The following TMCO6 variants were observed in gnomAD, a reference collection of about 807,000 sequenced individuals.
TMCO6 encodes transmembrane and coiled-coil domain-containing protein 6.
A neutral mutation model predicts 61.8 loss-of-function variants in TMCO6; 47 were observed. The observed-to-expected ratio is 0.76, with a 90% CI of 0.60 to 0.97. TMCO6 has a LOEUF of 0.97. Among genes scored for constraint, TMCO6 ranks in the 50% least tolerant of loss-of-function variants. The probability of loss-of-function intolerance (pLI) is 0.00; values close to 1 mark genes in which losing one functional copy is unlikely to be tolerated. For missense variants in TMCO6, 557 were observed against 601.6 expected (o/e 0.93, Z 0.78); for synonymous variants, 261 against 254.2 (o/e 1.03, Z -0.25).
chr5:140,647,317 G>A (rs1437277419), downstream of TMCO6: 11 of 1,595,862 alleles, frequency 6.9e-6, no homozygotes, highest in Non-Finnish European at 9.4e-6. Context: ...TGGGTAGGTC[G>A]GGATTCGCCT....
downstream of TMCO6, among the ~76,000 whole-genome samples, chr5:140,646,001 TTC>T (rs1416758796): frequency 2.7e-5 from 4 of 146,468 alleles, no homozygotes; most frequent in South Asian, 2.2e-4. Context: ...TGGGAGCCCA[TTC>T]TCTCTCTTTT....
chr5:140,635,939 T>G (rs1293060839), upstream of TMCO6, among the ~76,000 whole-genome samples: 1 of 152,160 alleles, frequency 6.6e-6, no homozygotes, highest in Non-Finnish European at 1.5e-5. Context: ...AGAATATAGC[T>G]TTTGGCTGGG....
chr5:140,640,582 A>G (rs2149791034), intron 2 of TMCO6, among the ~76,000 whole-genome samples: 1 of 152,104 alleles, frequency 6.6e-6, no homozygotes, highest in South Asian at 2.1e-4. Flanking sequence ...TATTTTAAGT[A>G]GAGGCGGGGT....
chr5:140,605,621 A>C, the TMCO6 span, among the ~76,000 whole-genome samples: 1 of 151,346 alleles, frequency 6.6e-6, no homozygotes, highest in South Asian at 2.1e-4. Context: ...CAGAGGTTGC[A>C]GTGAGCTGAG....
the TMCO6 span, among the ~76,000 whole-genome samples, chr5:140,616,398 A>G: frequency 1.3e-5 from 2 of 152,094 alleles, no homozygotes; most frequent in Non-Finnish European, 2.9e-5. Flanking sequence ...ATCTCTACAA[A>G]AAAAATTTTA....
the TMCO6 span, among the ~76,000 whole-genome samples, chr5:140,626,685 C>T: frequency 6.6e-6 from 1 of 152,076 alleles, no homozygotes; most frequent in Non-Finnish European, 1.5e-5. Flanking sequence ...TGGCTTGCTG[C>T]ACCTCTGCCA....
At position 140,639,751 on chromosome 5, in the gene TMCO6, C is replaced by G; in HGVS notation, c.98C>G (p.Ala33Gly). 1 of 1,597,794 alleles carries G rather than the reference C, an allele frequency of 6.3e-7. No individual in the cohort carries two copies. ...CCTCTGCCCCCAGCACTGCGGAAGG[C>G]GCGGAGGGAGCAGCAGCTGGTCAGC... ...RREREAALRK[A>G]RREQQLVSKR... is the part of the protein sequence containing the mutation. Residue 33 changes from alanine (A) to glycine (G), a missense_variant, in exon 2 of 12, where the codon GCG becomes GGG. Ala to Gly is a moderately conservative substitution (Grantham distance 60, BLOSUM62 0). Coordinates refer to ENST00000394671, the MANE Select transcript of TMCO6 (RefSeq NM_018502.5).
downstream of TMCO6, chr5:140,647,369 G>A: frequency 6.2e-7 from 1 of 1,611,216 alleles, no homozygotes; most frequent in Non-Finnish European, 8.5e-7. Flanking sequence ...GTCCCTGCGG[G>A]GCCGGAGAGA....
chr5:140,597,814 G>A, the TMCO6 span, among the ~76,000 whole-genome samples: 1 of 152,164 alleles, frequency 6.6e-6, no homozygotes, highest in Non-Finnish European at 1.5e-5. Context: ...CTCAAATTTT[G>A]CCAGATGGGT....
the TMCO6 span, chr5:140,631,766 G>T: frequency 8.3e-7 from 1 of 1,207,134 alleles, no homozygotes; most frequent in Non-Finnish European, 1.2e-6. Flanking sequence ...TGGGGCAAAG[G>T]GTTGAATTGG....
At chr5:140,635,279 T>G (rs2149784937), upstream of TMCO6, among the ~76,000 whole-genome samples, 1 of 152,370 alleles carries the variant, frequency 6.6e-6, no homozygotes, top group African/African-American at 2.4e-5. Context: ...TATATCTGAC[T>G]CAAAGTCAGA....
chr5:140,624,731 T>C, the TMCO6 span, among the ~76,000 whole-genome samples: 12 of 151,986 alleles, frequency 7.9e-5, no homozygotes, highest in Non-Finnish European at 1.5e-4. Flanking sequence ...TTTTGCCATA[T>C]TGGCCAGGCT....
Position 140,641,868 on chromosome 5 carries a change from A to G in TMCO6, c.315-2A>G, listed in dbSNP as rs1757059290. Reference sequence around the variant, plus strand: ...GCAGGGCTCTGGTACTCACTCACATAGGCTGGAGGGCAGCATGCGGACCCT... The same window carrying G: ...GCAGGGCTCTGGTACTCACTCACATGGGCTGGAGGGCAGCATGCGGACCCT... On this transcript the variant is annotated splice_acceptor_variant, in intron 3 of 11. Coordinates refer to ENST00000394671, the MANE Select transcript of TMCO6 (RefSeq NM_018502.5). LOFTEE classifies it high-confidence loss of function. 1 of 1,612,604 alleles carries G rather than the reference A, an allele frequency of 6.2e-7. No individual in the cohort carries two copies. The highest frequency in any genetic ancestry group is 8.5e-7 in the Non-Finnish European group (1 of 1,178,804).
At position 140,642,920 on chromosome 5, in the gene TMCO6, A is replaced by G. The variant is rs188182503; in HGVS notation, c.690-5A>G. 20 of 1,614,180 alleles carry G rather than the reference A, an allele frequency of 1.2e-5. No individual in the cohort carries two copies. The Admixed American group carries it at 2.2e-4, about 17-fold the overall frequency. ...TCCTACTTACAGCCCTGCTTCTGCC[A>G]GCAGCTCCATCTTGGCCTCCACTCT... On this transcript the variant is annotated splice_region_variant and splice_polypyrimidine_tract_variant and intron_variant, in intron 6 of 11. Coordinates refer to ENST00000394671, the MANE Select transcript of TMCO6 (RefSeq NM_018502.5).
the TMCO6 span, among the ~76,000 whole-genome samples, chr5:140,624,289 T>C: frequency 6.6e-6 from 1 of 151,890 alleles, no homozygotes; most frequent in African/African-American, 2.4e-5. Context: ...CACTTGAACC[T>C]GGGAGGCGGA....
the TMCO6 span, among the ~76,000 whole-genome samples, chr5:140,625,552 A>G: frequency 6.6e-6 from 1 of 151,958 alleles, no homozygotes; most frequent in African/African-American, 2.4e-5. Flanking sequence ...GCAATCCTTC[A>G]CCCTTATGCC....
the TMCO6 span, among the ~76,000 whole-genome samples, chr5:140,601,037 C>A: frequency 6.6e-6 from 1 of 151,898 alleles, no homozygotes; most frequent in African/African-American, 2.4e-5. Context: ...ACATAATATT[C>A]ATTCTCTTAA....
chr5:140,644,631 G>A lies in TMCO6; in HGVS notation c.1259G>A (p.Trp420Ter). The A allele has an allele frequency of 1.2e-6, 2 of 1,614,240 alleles. No homozygotes were observed. The highest frequency in any genetic ancestry group is 1.7e-6 in the Non-Finnish European group (2 of 1,180,050). The change falls in exon 11 of 12, where the codon TGG becomes TAG. Residue 420 changes from tryptophan (W) to a stop codon, truncating the protein, a stop_gained. Transcript: ENST00000394671. LOFTEE classifies it high-confidence loss of function. ...GGTCCTGCTTACTGCCAGCGGCTGTGGCCAGGGCCCCTGCTTCCCGCCTTG... is the reference window on the plus strand; with the variant it reads ...GGTCCTGCTTACTGCCAGCGGCTGTAGCCAGGGCCCCTGCTTCCCGCCTTG... The part of the protein sequence containing the change: ...EKGPAYCQRL[W>*]PGPLLPALLH...
rs1351758929 is a variant in TMCO6 at position 140,643,047 on chromosome 5, A to G, written c.806+6A>G. On this transcript the variant is annotated splice_donor_region_variant and intron_variant, in intron 7 of 11. Coordinates refer to ENST00000394671, the MANE Select transcript of TMCO6 (RefSeq NM_018502.5). ...CTTCATTACATCATCTGCAGGTAAC[A>G]GGGCAATTGGGAAAGTACCACAGAT... 2 of 1,614,202 alleles carry G rather than the reference A, an allele frequency of 1.2e-6. No individual in the cohort carries two copies. Among genetic ancestry groups the G allele is most frequent in the Admixed American group, 1.7e-5 (1 of 60,028 alleles).
Sources: allele counts gnomAD v4.1 joint callset (sites outside exome capture counted in the v4.1 genomes callset), GRCh38; gene constraint gnomAD v4.1.1; transcripts MANE v1.5; gene names NCBI Gene and HGNC (gene_info 2026-07-23, HGNC 2026-07-21).